Variants in TOP3B observed in about 807,000 individuals in gnomAD.
The protein encoded by TOP3B is DNA topoisomerase III beta.
TOP3B carries 45 observed loss-of-function variants against 93.9 expected under a neutral mutation model. The ratio of observed to expected loss-of-function variants is 0.48; its 90% CI spans 0.38 to 0.61. The LOEUF (loss-of-function observed/expected upper bound fraction) is 0.61, where lower values mean the gene tolerates loss of function less well. Ranked by LOEUF, TOP3B falls within the 20% of genes least tolerant of loss-of-function variation. The pLI, the probability that TOP3B is intolerant of heterozygous loss-of-function variation, is 0.00. For synonymous variants in TOP3B, 357 were observed against 472.6 expected (o/e 0.76, Z 3.17); for missense variants, 750 against 1,156.1 (o/e 0.65, Z 5.09).
intron 13 of TOP3B, chr22:21,961,120 C>T (rs1194423449): frequency 6.6e-6 from 1 of 152,668 alleles, no homozygotes; most frequent in Non-Finnish European, 1.5e-5. Flanking sequence ...AGGTGACACA[C>T]ACCTTCCCAA....
Position 21,965,269 on chromosome 22 carries a change from A to G in TOP3B, c.943+16T>C. On this transcript the variant is annotated intron_variant, in intron 9 of 17. Coordinates refer to ENST00000357179, the MANE Select transcript of TOP3B (RefSeq NM_001282112.2). ...AGGAAGCCTTCTGGTGACTTGAGAGAAATGTCCCTACATACCCAGAGAAGA... is the reference window on the plus strand; with the variant it reads ...AGGAAGCCTTCTGGTGACTTGAGAGGAATGTCCCTACATACCCAGAGAAGA... The G allele has an allele frequency of 6.4e-7, 1 of 1,566,216 alleles. No individual in the cohort carries two copies.
chr22:21,980,422 C>T (rs1160614829), intron 1 of TOP3B, among the ~76,000 whole-genome samples: 1 of 152,226 alleles, frequency 6.6e-6, no homozygotes, highest in Non-Finnish European at 1.5e-5. Flanking sequence ...TTCTGCTGCT[C>T]ATCATGCTGT....
rs1342666778 is a variant in TOP3B, at chr22:21,971,059, T to C, written c.385-653A>G. The C allele has an allele frequency of 7.7e-7, 1 of 1,303,052 alleles. No homozygotes were observed. 80.7% of individuals were successfully genotyped at this position (1,303,052 alleles called of 1,614,324 possible). On this transcript the variant is annotated intron_variant, in intron 5 of 17. Coordinates refer to ENST00000357179, the MANE Select transcript of TOP3B (RefSeq NM_001282112.2). The surrounding 1 kb of genome is among the most constrained non-coding windows in gnomAD (Gnocchi z 4.6). Reference sequence around the variant, plus strand: ...TCCTTACTGGGAATAAGTGGCTTCATTTCTGAAGGGAGAAAGCCCCATGAG... The same window carrying C: ...TCCTTACTGGGAATAAGTGGCTTCACTTCTGAAGGGAGAAAGCCCCATGAG...
Position 21,959,219 on chromosome 22 carries a change from C to CAACT in TOP3B, c.1814_1817dup (p.Met607ValfsTer43). 1.2e-6 allele frequency: 2 copies of CAACT among 1,613,014 alleles called. No homozygotes were observed. Among genetic ancestry groups the CAACT allele is most frequent in the African/African-American group, 2.7e-5 (2 of 75,066 alleles). ...CCAGGGGCGAGAAAGACACCTCCAT[C>CAACT]AACTCATCCATGCCTGCGGGCAAGC... On this transcript the variant is annotated frameshift_variant, in exon 16 of 18. Transcript: ENST00000357179. LOFTEE classifies it high-confidence loss of function.
Position 21,968,653 on chromosome 22 carries a change from A to C in TOP3B, c.704T>G (p.Phe235Cys), listed in dbSNP as rs979466770. Residue 235 changes from phenylalanine to cysteine, a missense_variant, in exon 7 of 18, where the codon TTC (phenylalanine) becomes TGC (cysteine). This residue lies in a region of TOP3B where 737 missense variants were observed against 933.7 expected (regional missense o/e 0.79). Transcript: ENST00000357179. ...CVERHDKIQSFKPETYWVLQA... is the reference protein window; with the variant it reads ...CVERHDKIQSCKPETYWVLQA... ...CAGCACCCAGTAGGTCTCTGGTTTG[A>C]AGGACTGGATTTTATCATGTCTCTC... 27 of 1,614,216 alleles carry C rather than the reference A, an allele frequency of 1.7e-5. No individual in the cohort carries two copies. Among genetic ancestry groups the C allele is most frequent in the Non-Finnish European group, 2.2e-5 (26 of 1,180,038 alleles).
rs568858288 is a variant in TOP3B at position 21,960,222 on chromosome 22, T to C, written c.1654+99A>G. 24 of 1,561,880 alleles carry C rather than the reference T, an allele frequency of 1.5e-5. No homozygotes were observed. The Admixed American group carries it at 2.5e-4, about 17-fold the overall frequency. On this transcript the variant is annotated intron_variant, in intron 14 of 17. Coordinates refer to ENST00000357179, the MANE Select transcript of TOP3B (RefSeq NM_001282112.2). Reference sequence around the variant, plus strand: ...AGTGTGTGTGGGGCTGGGGGATCACTGTAGGGCAGGGGCCTGTCTGGAGCG... The same window carrying C: ...AGTGTGTGTGGGGCTGGGGGATCACCGTAGGGCAGGGGCCTGTCTGGAGCG...
chr22:21,963,719 G>C lies in TOP3B; in HGVS notation c.1204+204C>G, dbSNP rs2071292329. ...GTGGCGTCTGCCCCCTTGCCTCCCT[G>C]CAACAGCACCTGCTGCTACCTCTTC... On this transcript the variant is annotated intron_variant, in intron 11 of 17. Coordinates refer to ENST00000357179, the MANE Select transcript of TOP3B (RefSeq NM_001282112.2). This position sits in a 1 kb window ranked among gnomAD's most constrained non-coding sequence, Gnocchi z 4.8. 2 of 587,868 alleles carry C rather than the reference G, an allele frequency of 3.4e-6. No individual in the cohort carries two copies. The highest frequency in any genetic ancestry group is 4.1e-5 in the South Asian group (2 of 48,480). The allele number at this position is 587,868 out of a possible 1,614,324, so 36.4% of individuals were successfully genotyped here.
At chr22:21,960,514 G>T in intron 13 of TOP3B, 65 bp from the exon 14 acceptor site, 1 of 1,598,866 alleles carries the variant, frequency 6.3e-7, no homozygotes. Flanking sequence ...ACCATGTGCT[G>T]TATCACCTGT....
chr22:21,974,104 AC>A, intron 3 of TOP3B: 1 of 373,462 alleles, frequency 2.7e-6, no homozygotes, highest in South Asian at 3.3e-5. Flanking sequence ...CACTTTGTCT[AC>A]ATAGGAAGGC....
intron 1 of TOP3B, chr22:21,982,298 T>C (rs1169800773): frequency 6.6e-6 from 1 of 152,220 alleles, no homozygotes. Flanking sequence ...AGAACCTGGG[T>C]GCCCTCAAAA....
rs558400335 is a variant in TOP3B, at chr22:21,962,451, C to G, written c.1503G>C (p.Thr501=). ...PDYLTEAELI[T]LMEKHGIGTD... is the part of the protein sequence containing the mutation. ...CACCGATGCCATGCTTCTCCATGAGCGTGATGAGCTCGGCCTCCGTCAGGT... is the reference window on the plus strand; with the variant it reads ...CACCGATGCCATGCTTCTCCATGAGGGTGATGAGCTCGGCCTCCGTCAGGT... Residue 501 remains threonine (T), a synonymous_variant, in exon 13 of 18, where the codon ACG becomes ACC. Coordinates refer to ENST00000357179, the MANE Select transcript of TOP3B (RefSeq NM_001282112.2). 1.2e-6 allele frequency: 2 copies of G among 1,613,672 alleles called. No individual in the cohort carries two copies. The highest frequency in any genetic ancestry group is 1.7e-5 in the Admixed American group (1 of 60,024).
Position 21,963,637 on chromosome 22 carries a change from T to G in TOP3B, c.1204+286A>C. The G allele has an allele frequency of 2.3e-6, 1 of 436,188 alleles. No homozygotes were observed. Among genetic ancestry groups the G allele is most frequent in the Non-Finnish European group, 4.1e-6 (1 of 241,102 alleles). The allele number at this position is 436,188 out of a possible 1,614,324, so 27.0% of individuals were successfully genotyped here. Reference sequence around the variant, plus strand: ...CTTAGGCCAGCTGGGAGGTAGGAGGTGTGCTGCCCCCTCCCCCACACCGCC... The same window carrying G: ...CTTAGGCCAGCTGGGAGGTAGGAGGGGTGCTGCCCCCTCCCCCACACCGCC... On this transcript the variant is annotated intron_variant, in intron 11 of 17. Coordinates refer to ENST00000357179, the MANE Select transcript of TOP3B (RefSeq NM_001282112.2). The surrounding 1 kb of genome is among the most constrained non-coding windows in gnomAD (Gnocchi z 4.8).
chr22:21,978,001 A>C (rs1436557863), intron 1 of TOP3B, among the ~76,000 whole-genome samples: 1 of 151,352 alleles, frequency 6.6e-6, no homozygotes, highest in African/African-American at 2.4e-5. Flanking sequence ...CTTGGGGAGG[A>C]TATGGCTGGG....
chr22:21,962,392 A>C, intron 13 of TOP3B, 37 bp downstream of exon 13: 1 of 1,611,610 alleles, frequency 6.2e-7, no homozygotes, highest in East Asian at 2.2e-5. Context: ...AGTACTGGAG[A>C]CGGAGCCGGC....
chr22:21,958,261 G>A (rs2145823320), intron 17 of TOP3B: 1 of 1,388,424 alleles, frequency 7.2e-7, no homozygotes, highest in East Asian at 2.8e-5. Context: ...CCCAGGTCCT[G>A]AGGGTGGACT....
At chr22:21,977,066 C>A (rs1349231652) in intron 1 of TOP3B, 1 of 152,192 alleles carries the variant, frequency 6.6e-6, no homozygotes, top group African/African-American at 2.4e-5. Context: ...GTGTCAGCCA[C>A]TCAGGAGGCT....
rs199868661 is a variant in TOP3B, at chr22:21,964,022, G to A, written c.1105C>T (p.Arg369Trp). 91 of 1,606,674 alleles carry A rather than the reference G, an allele frequency of 5.7e-5. 1 individual carries two copies. The highest frequency in any genetic ancestry group is 4.2e-4 in the South Asian group (38 of 90,208). ...CGGTTGATACCTTCTGCTAACAACCGCTTCACCTGAGGGAGAGAAGACAGA... is the reference window on the plus strand; with the variant it reads ...CGGTTGATACCTTCTGCTAACAACCACTTCACCTGAGGGAGAGAAGACAGA... ...NHPYWADTVK[R>W]LLAEGINRPR... Residue 369 changes from arginine (R) to tryptophan (W), a missense_variant, in exon 11 of 18, where the codon CGG becomes TGG. Physicochemically the swap from Arg to Trp is moderately radical, Grantham distance 101. Coordinates refer to ENST00000357179, the MANE Select transcript of TOP3B (RefSeq NM_001282112.2).
rs185364824 is a variant in TOP3B, at chr22:21,979,679, C to T, written c.-99+3051G>A. Reference sequence around the variant, plus strand: ...TTCTCTGGCCGGGCGCGGTGGCTCACGCCTGTAATCCCAGCACTTTGGGAG... The same window carrying T: ...TTCTCTGGCCGGGCGCGGTGGCTCATGCCTGTAATCCCAGCACTTTGGGAG... On this transcript the variant is annotated intron_variant, in intron 1 of 17. Coordinates refer to ENST00000357179, the MANE Select transcript of TOP3B (RefSeq NM_001282112.2). 1.4e-4 allele frequency among the ~76,000 whole-genome samples: 22 copies of T among 152,108 alleles called. No individual in the cohort carries two copies. The East Asian group carries it at 3.7e-3, about 25-fold the overall frequency.
chr22:21,968,395 C>T (rs2071497863), intron 7 of TOP3B: 3 of 557,938 alleles, frequency 5.4e-6, no homozygotes, highest in Non-Finnish European at 9.5e-6. Flanking sequence ...GAGCTGAACT[C>T]ATTCCCACTT....
Sources: gnomAD v4.1 joint callset for allele counts (sites outside exome capture counted in the v4.1 genomes callset) on GRCh38, gnomAD v4.1.1 for gene constraint, gnomAD v4.1.1 regional missense constraint, Gnocchi (gnomAD v3.1) non-coding constraint, MANE v1.5 for transcripts, NCBI Gene and HGNC (gene_info 2026-07-23, HGNC 2026-07-21) for gene names.